GATAD2A: variants seen among roughly 807,000 people sequenced by gnomAD.
The protein encoded by GATAD2A is transcriptional repressor p66-alpha.
Under a neutral mutation model 68.5 loss-of-function variants are expected in GATAD2A, and 12 were observed. The observed-to-expected ratio is 0.18, with a 90% CI of 0.11 to 0.28. The LOEUF is 0.28. GATAD2A is among the 10% of genes least tolerant of loss of function. GATAD2A has a pLI of 1.00. For missense variants in GATAD2A, 755 were observed against 868.5 expected (o/e 0.87, Z 1.64); for synonymous variants, 410 against 375.3 (o/e 1.09, Z -1.07).
chr19:19,477,312 T>C (rs2058738575), intron 2 of GATAD2A, among the ~76,000 whole-genome samples: 1 of 152,186 alleles, frequency 6.6e-6, no homozygotes, highest in Non-Finnish European at 1.5e-5. Flanking sequence ...TGCGGATTTT[T>C]AGAGCTTATA....
chr19:19,493,385 TC>T (rs2059932599), intron 4 of GATAD2A, among the ~76,000 whole-genome samples: 1 of 152,140 alleles, frequency 6.6e-6, no homozygotes, highest in African/African-American at 2.4e-5. Context: ...CCATCATCCC[TC>T]CTGCTGTGTG....
chr19:19,390,775 G>C (rs1427870394), intron 1 of GATAD2A, among the ~76,000 whole-genome samples: 2 of 152,218 alleles, frequency 1.3e-5, no homozygotes, highest in Admixed American at 6.5e-5. Context: ...AGTGAGTCCA[G>C]CAGTTACCTG....
intron 6 of GATAD2A, 56 bp downstream of exon 6, chr19:19,495,941 T>G: frequency 6.3e-6 from 10 of 1,594,634 alleles, no homozygotes; most frequent in Non-Finnish European, 8.6e-6. Flanking sequence ...TCGTCTACCT[T>G]GAAAGTAGGG....
At chr19:19,489,783 C>T (rs905132612) in intron 2 of GATAD2A, among the ~76,000 whole-genome samples, 1 of 152,246 alleles carries the variant, frequency 6.6e-6, no homozygotes, top group Non-Finnish European at 1.5e-5. Flanking sequence ...CTCATGCTAG[C>T]CCAGGAATTG....
At chr19:19,453,963 A>G (rs1055414479) in intron 1 of GATAD2A, among the ~76,000 whole-genome samples, 1 of 148,710 alleles carries the variant, frequency 6.7e-6, no homozygotes, top group Non-Finnish European at 1.5e-5. Context: ...CACCTGGCCA[A>G]ATTTTTTGTG....
intron 1 of GATAD2A, among the ~76,000 whole-genome samples, chr19:19,409,959 G>A (rs765149984): frequency 2.6e-5 from 4 of 152,154 alleles, no homozygotes; most frequent in Non-Finnish European, 5.9e-5. Context: ...TACCCTAATA[G>A]AATACCTTTA....
chr19:19,414,270 ACTTT>A (rs1458417123), intron 1 of GATAD2A, among the ~76,000 whole-genome samples: 2 of 152,246 alleles, frequency 1.3e-5, no homozygotes, highest in Admixed American at 6.5e-5. Context: ...TCTACCTGGG[ACTTT>A]CTTCTGTGTA....
At chr19:19,465,673 G>C in intron 2 of GATAD2A, 59 bp downstream of exon 2, 1 of 1,533,864 alleles carries the variant, frequency 6.5e-7, no homozygotes, top group South Asian at 1.2e-5. Context: ...AGTGTGCCCA[G>C]GTTGGGGCTG....
intron 1 of GATAD2A, among the ~76,000 whole-genome samples, chr19:19,453,680 A>ATTTT (rs36010983): frequency 7.0e-6 from 1 of 143,106 alleles, no homozygotes; most frequent in Non-Finnish European, 1.5e-5. Flanking sequence ...TTTTTTTAAA[A>ATTTT]TTTTTTTTTT....
intron 2 of GATAD2A, among the ~76,000 whole-genome samples, chr19:19,486,279 G>A (rs1266383559): frequency 2.0e-5 from 3 of 152,242 alleles, no homozygotes; most frequent in African/African-American, 7.2e-5. Flanking sequence ...GAGCTGCAAG[G>A]CGAAGGCACG....
In GATAD2A at chr19:19,483,091, C is replaced by T. The variant is rs371311042; in HGVS notation, c.270-9215C>T. ...TTCTGGCAGCGCCGGCTGGCCGCCC[C>T]CTGGCTGTGCTGATGCTGGGGGCGG... On this transcript the variant is annotated intron_variant, in intron 2 of 11. Transcript: ENST00000683918. 5.3e-5 allele frequency among the ~76,000 whole-genome samples: 8 copies of T among 152,182 alleles called. No individual in the cohort carries two copies. The East Asian group carries it at 1.3e-3, about 26-fold the overall frequency.
rs56310236 is a variant in GATAD2A, at chr19:19,469,431, C to CA, written c.269+3826dup. On this transcript the variant is annotated intron_variant, in intron 2 of 11. Coordinates refer to ENST00000683918, the MANE Select transcript of GATAD2A (RefSeq NM_001384528.1). ...TGGATGAAAGAACGAGACTCCATCT[C>CA]AAAAAAAAAGAAAAAAAGATCATCA... Among the ~76,000 whole-genome samples the CA allele has an allele frequency of 4.5e-5, 6 of 132,208 alleles. 1 individual carries two copies. Among genetic ancestry groups the CA allele is most frequent in the South Asian group, 2.6e-4 (1 of 3,840 alleles). 86.7% of individuals were successfully genotyped at this position (132,208 alleles called of 152,430 possible).
intron 2 of GATAD2A, chr19:19,474,142 A>G (rs552772682): frequency 3.9e-5 from 38 of 985,174 alleles, no homozygotes; most frequent in Non-Finnish European, 4.3e-5. Context: ...AATTTTTGCA[A>G]GATGTCTCTG....
intron 1 of GATAD2A, among the ~76,000 whole-genome samples, chr19:19,432,556 C>T (rs2053872686): frequency 6.6e-6 from 1 of 152,162 alleles, no homozygotes; most frequent in South Asian, 2.1e-4. Flanking sequence ...CCCGCCTCAG[C>T]CTCCCAAAGT....
chr19:19,430,729 G>A (rs1379531298), intron 1 of GATAD2A, among the ~76,000 whole-genome samples: 2 of 152,100 alleles, frequency 1.3e-5, no homozygotes, highest in Non-Finnish European at 2.9e-5. Context: ...CATGGGTGCC[G>A]CAACCCCAGC....
chr19:19,494,251 G>A (rs375235366), intron 4 of GATAD2A, 43 bp from the exon 5 acceptor site: 66 of 1,147,220 alleles, frequency 5.8e-5, no homozygotes, highest in Middle Eastern at 2.0e-4. Context: ...GAGAGGGACC[G>A]GCCCGGTGGC....
At chr19:19,404,336 A>G (rs556311925), upstream of GATAD2A, among the ~76,000 whole-genome samples, 36 of 152,022 alleles carry the variant, frequency 2.4e-4, no homozygotes, top group Non-Finnish European at 5.3e-4. Flanking sequence ...GTTGAGACCC[A>G]ATTATTCTTG....
At chr19:19,471,572 A>C (rs1244427173) in intron 2 of GATAD2A, among the ~76,000 whole-genome samples, 2 of 152,360 alleles carry the variant, frequency 1.3e-5, no homozygotes, top group East Asian at 1.9e-4. Flanking sequence ...GGGAAGATGG[A>C]AATATTTTAA....
At chr19:19,468,625 G>A (rs548534842) in intron 2 of GATAD2A, among the ~76,000 whole-genome samples, 2 of 152,172 alleles carry the variant, frequency 1.3e-5, no homozygotes, top group Admixed American at 6.6e-5. Context: ...CTTCTGACTC[G>A]AGACAATGGA....
Sources: allele counts gnomAD v4.1 joint callset (sites outside exome capture counted in the v4.1 genomes callset), GRCh38; gene constraint gnomAD v4.1.1; transcripts MANE v1.5; gene names NCBI Gene and HGNC (gene_info 2026-07-23, HGNC 2026-07-21).